The following TMSB15B variants were observed in gnomAD, a reference collection of about 807,000 sequenced individuals.
The protein encoded by TMSB15B is thymosin beta-15B.
chrX:103,943,425 C>A (rs1218679207), intron 1 of TMSB15B, among the ~76,000 whole-genome samples: 1 of 112,109 alleles, frequency 8.9e-6, no homozygotes, highest in Non-Finnish European at 1.9e-5. Context: ...AAAAATCATT[C>A]AAGAATATAC....
intron 1 of TMSB15B, chrX:103,928,681 C>T: frequency 8.6e-7 from 1 of 1,156,320 alleles, no homozygotes; most frequent in Non-Finnish European, 1.2e-6. Context: ...TTTTTCTTTC[C>T]AGGACCCCAT....
chrX:103,928,464 G>A, intron 1 of TMSB15B: 3 of 1,204,176 alleles, frequency 2.5e-6, no homozygotes, highest in Non-Finnish European at 3.4e-6. Flanking sequence ...CAGGGATCAT[G>A]TCTGGCCTGG....
At position 103,951,147 on chromosome X, in the gene TMSB15B, G is replaced by A. The variant is rs1402379795; in HGVS notation, c.-720-10874G>A. Among the ~76,000 whole-genome samples the A allele has an allele frequency of 4.5e-5, 5 of 111,729 alleles. No homozygotes were observed. In the Admixed American group the frequency reaches 4.8e-4, roughly 11 times the overall value. On this transcript the variant is annotated intron_variant, in intron 1 of 3. Coordinates refer to the TMSB15B transcript ENST00000419165. Reference sequence around the variant, plus strand: ...ATCTCTTCTTATAAAGGCACCAGTAGTATTGGGTTAGGACCCATCTTAATG... The same window carrying A: ...ATCTCTTCTTATAAAGGCACCAGTAATATTGGGTTAGGACCCATCTTAATG...
At chrX:103,925,813 G>A (rs2074966548) in intron 1 of TMSB15B, among the ~76,000 whole-genome samples, 1 of 112,340 alleles carries the variant, frequency 8.9e-6, no homozygotes, top group South Asian at 3.8e-4. Context: ...GTGAACACAT[G>A]TTTATAAATG....
intron 1 of TMSB15B, among the ~76,000 whole-genome samples, chrX:103,929,409 C>T (rs1410802364): frequency 8.9e-6 from 1 of 111,899 alleles, no homozygotes; most frequent in African/African-American, 3.2e-5. Context: ...CTGAGTGGAA[C>T]TCCAATTTCA....
chrX:103,928,401 G>T, intron 1 of TMSB15B: 1 of 1,210,018 alleles, frequency 8.3e-7, no homozygotes, highest in South Asian at 1.8e-5. Context: ...ATGATAGCCT[G>T]CTGTGCTTTC....
intron 1 of TMSB15B, among the ~76,000 whole-genome samples, chrX:103,944,765 C>T (rs1378221564): frequency 8.9e-6 from 1 of 111,980 alleles, no homozygotes; most frequent in African/African-American, 3.2e-5. Flanking sequence ...TTTGTTCATA[C>T]CTTTGTTATA....
chrX:103,931,533 C>T (rs781858854), intron 1 of TMSB15B: 3 of 111,681 alleles, frequency 2.7e-5, no homozygotes, highest in Admixed American at 9.5e-5. Context: ...CAGTATTCCT[C>T]GATTCAATGT....
At chrX:103,932,572 T>C (rs1256528623) in intron 1 of TMSB15B, 1 of 112,324 alleles carries the variant, frequency 8.9e-6, no homozygotes, top group East Asian at 2.8e-4. Flanking sequence ...AGCTATTCAA[T>C]TATAATATAA....
chrX:103,954,785 C>T (rs1336731134), intron 1 of TMSB15B, among the ~76,000 whole-genome samples: 2 of 111,379 alleles, frequency 1.8e-5, no homozygotes, highest in South Asian at 3.8e-4. Flanking sequence ...ACATTACCTC[C>T]GAAGTAACAG....
chrX:103,936,149 A>G (rs1270831388), intron 1 of TMSB15B, among the ~76,000 whole-genome samples: 1 of 111,573 alleles, frequency 9.0e-6, no homozygotes, highest in African/African-American at 3.3e-5. Context: ...CCCAGCTTCC[A>G]TATGAAATTT....
chrX:103,935,868 T>C (rs1306714), intron 1 of TMSB15B, among the ~76,000 whole-genome samples: 31,050 of 88,938 alleles, frequency 0.35, 5,185 homozygotes, highest in Admixed American at 0.49. Flanking sequence ...TTTTTTGAGA[T>C]GGAGTTTCAC....
chrX:103,936,977 ATTT>A (rs2074999821), intron 1 of TMSB15B, among the ~76,000 whole-genome samples: 4 of 111,567 alleles, frequency 3.6e-5, no homozygotes, highest in African/African-American at 1.3e-4. Context: ...ACGTTTATTG[ATTT>A]GCGTGTGTTG....
rs1226556011 is a variant in TMSB15B at position 103,946,270 on chromosome X, G to C, written c.-720-15751G>C. 2.8e-4 allele frequency among the ~76,000 whole-genome samples: 31 copies of C among 111,960 alleles called. 1 individual carries two copies. The highest frequency in any genetic ancestry group is 1.0e-3 in the African/African-American group (31 of 30,777). ...AAACAATACATTTGGAGGATCCACT[G>C]CTTTTATAGAACATGGAAATAAACC... is the stretch of plus-strand genomic sequence containing the variant. On this transcript the variant is annotated intron_variant, in intron 1 of 3. Coordinates refer to the TMSB15B transcript ENST00000419165.
chrX:103,938,665 A>G lies in TMSB15B; in HGVS notation c.-721+19373A>G, dbSNP rs140833111. On this transcript the variant is annotated intron_variant, in intron 1 of 3. Coordinates refer to the TMSB15B transcript ENST00000419165. ...TTTAGCCCATTTACATTTAAGGTTAATATTGTTATGTGTGAATTTGATCCT... is the reference window on the plus strand; with the variant it reads ...TTTAGCCCATTTACATTTAAGGTTAGTATTGTTATGTGTGAATTTGATCCT... Among the ~76,000 whole-genome samples, 677 of 111,944 alleles carry G rather than the reference A, an allele frequency of 6.0e-3. 2 individuals carry two copies. Among genetic ancestry groups the G allele is most frequent in the Non-Finnish European group, 9.7e-3 (515 of 53,172 alleles).
At chrX:103,928,774 C>G in intron 1 of TMSB15B, 1 of 1,181,599 alleles carries the variant, frequency 8.5e-7, no homozygotes, top group South Asian at 1.8e-5. Flanking sequence ...AATCACCTGC[C>G]TAGTTCTGTA....
chrX:103,947,613 A>G (rs2075028710), intron 1 of TMSB15B, among the ~76,000 whole-genome samples: 1 of 112,284 alleles, frequency 8.9e-6, no homozygotes, highest in Non-Finnish European at 1.9e-5. Flanking sequence ...TGTTTCCTCA[A>G]ACAGGTTTAA....
chrX:103,928,773 C>T (rs1556319413), intron 1 of TMSB15B: 1 of 1,179,460 alleles, frequency 8.5e-7, no homozygotes, highest in African/African-American at 1.8e-5. Flanking sequence ...CAATCACCTG[C>T]CTAGTTCTGT....
intron 1 of TMSB15B, among the ~76,000 whole-genome samples, chrX:103,942,393 C>T (rs782505629): frequency 8.9e-6 from 1 of 111,837 alleles, no homozygotes; most frequent in South Asian, 3.7e-4. Context: ...AGTTACAATG[C>T]CAACTCTGTC....
Sources: gnomAD v4.1 joint callset for allele counts (sites outside exome capture counted in the v4.1 genomes callset) on GRCh38, gnomAD v4.1.1 for gene constraint, MANE v1.5 for transcripts, NCBI Gene and HGNC (gene_info 2026-07-23, HGNC 2026-07-21) for gene names.